The following PHLPP1 variants were observed in gnomAD, a reference collection of about 807,000 sequenced individuals.
The protein encoded by PHLPP1 is PH domain and leucine rich repeat protein phosphatase 1.
PHLPP1 carries 42 observed loss-of-function variants against 117.2 expected under a neutral mutation model. The ratio of observed to expected loss-of-function variants is 0.36; its 90% confidence interval spans 0.28 to 0.46. The LOEUF is 0.46. Ranked by LOEUF, PHLPP1 falls within the 20% of genes least tolerant of loss-of-function variation. The pLI, the probability that PHLPP1 is intolerant of heterozygous loss-of-function variation, is 1.00. For missense variants in PHLPP1, 2,084 were observed against 2,241.9 expected (o/e 0.93, Z 1.42); for synonymous variants, 1,042 against 970.7 (o/e 1.07, Z -1.37).
chr18:62,978,250 T>A lies in PHLPP1; in HGVS notation c.3985-12T>A. The A allele has an allele frequency of 6.5e-7, 1 of 1,546,680 alleles. No individual in the cohort carries two copies. Among genetic ancestry groups the A allele is most frequent in the Non-Finnish European group, 8.9e-7 (1 of 1,127,776 alleles). On this transcript the variant is annotated splice_polypyrimidine_tract_variant and intron_variant, in intron 16 of 16. Coordinates refer to ENST00000262719, the MANE Select transcript of PHLPP1 (RefSeq NM_194449.4). This position sits in a 1 kb window ranked among gnomAD's most constrained non-coding sequence, Gnocchi z 7.0. ...GTATTAACTGTCTGTCTGCAAACCC[T>A]TGTTCTTCCAGGATGGCAAGGTGAA... is the stretch of plus-strand genomic sequence containing the variant.
chr18:62,914,755 T>A (rs1277935002), intron 8 of PHLPP1, among the ~76,000 whole-genome samples, 158 bp from the exon 9 acceptor site: 1 of 152,268 alleles, frequency 6.6e-6, no homozygotes, highest in Non-Finnish European at 1.5e-5. Flanking sequence ...CAATTCATCT[T>A]GCTTCTAGAG....
intron 1 of PHLPP1, among the ~76,000 whole-genome samples, chr18:62,816,121 T>G (rs1276421413): frequency 6.6e-6 from 1 of 152,242 alleles, no homozygotes; most frequent in Admixed American, 6.5e-5. Flanking sequence ...TTGGGTATTC[T>G]TTACATACAT....
intron 10 of PHLPP1, among the ~76,000 whole-genome samples, chr18:62,922,090 G>T (rs976800156): frequency 4.6e-5 from 7 of 152,144 alleles, no homozygotes; most frequent in Non-Finnish European, 1.0e-4. Context: ...ATCATTGAAA[G>T]AATTCTTGTT....
intron 1 of PHLPP1, among the ~76,000 whole-genome samples, chr18:62,788,227 CG>C (rs1188335389): frequency 6.6e-6 from 1 of 152,202 alleles, no homozygotes; most frequent in East Asian, 1.9e-4. Flanking sequence ...GCTTTATCTC[CG>C]GGAGGTGGAT....
At chr18:62,866,900 A>G (rs1244571209) in intron 4 of PHLPP1, among the ~76,000 whole-genome samples, 2 of 152,252 alleles carry the variant, frequency 1.3e-5, no homozygotes, top group Non-Finnish European at 2.9e-5. Context: ...CAGCTGTTAT[A>G]GTAAAAGTAC....
chr18:62,837,312 G>A (rs1386210531), intron 2 of PHLPP1, among the ~76,000 whole-genome samples: 1 of 152,006 alleles, frequency 6.6e-6, no homozygotes, highest in African/African-American at 2.4e-5. Flanking sequence ...TAGGCTTTTG[G>A]TTTTTCTTTA....
chr18:62,807,457 T>C (rs962821131), intron 1 of PHLPP1, among the ~76,000 whole-genome samples: 2 of 152,238 alleles, frequency 1.3e-5, no homozygotes, highest in Non-Finnish European at 2.9e-5. Flanking sequence ...ATAATTCTTG[T>C]ATTCACATAG....
chr18:62,780,439 T>C (rs1362123736), intron 1 of PHLPP1, among the ~76,000 whole-genome samples: 7 of 152,230 alleles, frequency 4.6e-5, no homozygotes, highest in African/African-American at 1.7e-4. Flanking sequence ...GAGAATTTTA[T>C]GATTGACTTG....
intron 8 of PHLPP1, among the ~76,000 whole-genome samples, chr18:62,913,865 TC>T (rs1917029789): frequency 6.7e-6 from 1 of 149,974 alleles, no homozygotes; most frequent in South Asian, 2.1e-4. Context: ...TGCCTCAGCC[TC>T]CTGAGTAGCT....
At chr18:62,862,141 A>G (rs1244928624) in intron 4 of PHLPP1, among the ~76,000 whole-genome samples, 1 of 151,382 alleles carries the variant, frequency 6.6e-6, no homozygotes, top group Non-Finnish European at 1.5e-5. Flanking sequence ...GTGTGGTGGC[A>G]CAATCTCGGC....
intron 8 of PHLPP1, chr18:62,906,349 G>A (rs1916846499): frequency 6.5e-6 from 1 of 152,712 alleles, no homozygotes. Context: ...CTCCCAGCGT[G>A]AGCGACGCAG....
chr18:62,849,280 T>C (rs902117022), intron 3 of PHLPP1, among the ~76,000 whole-genome samples: 5 of 152,214 alleles, frequency 3.3e-5, no homozygotes, highest in Admixed American at 6.5e-5. Flanking sequence ...ATTTAGCGTA[T>C]ATGATTAACC....
intron 8 of PHLPP1, among the ~76,000 whole-genome samples, chr18:62,913,248 T>C (rs922329350): frequency 2.6e-5 from 4 of 152,032 alleles, no homozygotes; most frequent in African/African-American, 9.7e-5. Flanking sequence ...TTGTTTTTAC[T>C]AAAGAATACT....
At chr18:62,718,784 A>G (rs1910836139) in intron 1 of PHLPP1, among the ~76,000 whole-genome samples, 1 of 152,252 alleles carries the variant, frequency 6.6e-6, no homozygotes, top group Non-Finnish European at 1.5e-5. Context: ...GGAACTGTAT[A>G]TAAAAACAAG....
intron 1 of PHLPP1, among the ~76,000 whole-genome samples, chr18:62,763,033 G>C (rs1319101987): frequency 3.3e-5 from 5 of 152,128 alleles, no homozygotes; most frequent in Admixed American, 2.6e-4. Flanking sequence ...ACACTTTGCA[G>C]CTAAATCCAC....
chr18:62,900,773 C>T (rs946642860), intron 6 of PHLPP1, among the ~76,000 whole-genome samples: 31 of 152,128 alleles, frequency 2.0e-4, no homozygotes, highest in African/African-American at 7.0e-4. Flanking sequence ...TATTCTTGAA[C>T]AATGCTAAGA....
chr18:62,934,073 A>G (rs1391810065), intron 10 of PHLPP1, among the ~76,000 whole-genome samples: 1 of 152,148 alleles, frequency 6.6e-6, no homozygotes, highest in African/African-American at 2.4e-5. Flanking sequence ...AAAATATAAC[A>G]CATGTTGTCA....
intron 11 of PHLPP1, among the ~76,000 whole-genome samples, chr18:62,943,689 C>G (rs982585505): frequency 6.6e-6 from 1 of 152,132 alleles, no homozygotes; most frequent in Non-Finnish European, 1.5e-5. Flanking sequence ...GGGCATCAAG[C>G]CATTCATGTG....
At chr18:62,802,774 G>A (rs1271595884) in intron 1 of PHLPP1, among the ~76,000 whole-genome samples, 5 of 152,052 alleles carry the variant, frequency 3.3e-5, no homozygotes, top group African/African-American at 1.2e-4. Context: ...TTGGGCAAAT[G>A]ACAACTTGTG....
Sources: allele counts gnomAD v4.1 joint callset (sites outside exome capture counted in the v4.1 genomes callset), GRCh38; gene constraint gnomAD v4.1.1; non-coding constraint Gnocchi (gnomAD v3.1); transcripts MANE v1.5; gene names NCBI Gene and HGNC (gene_info 2026-07-23, HGNC 2026-07-21).